CSMD1: variants seen among roughly 807,000 people sequenced by gnomAD.
CSMD1 encodes CUB and sushi domain-containing protein 1.
In CSMD1, 213 loss-of-function variants were observed where a neutral mutation model predicts 417.5. The ratio of observed to expected loss-of-function variants is 0.51; its 90% CI spans 0.46 to 0.57. The LOEUF is 0.57. Among genes scored for constraint, CSMD1 ranks in the 20% least tolerant of loss-of-function variants. The probability of loss-of-function intolerance (pLI) is 0.00; values close to 1 mark genes in which losing one functional copy is unlikely to be tolerated. For missense variants in CSMD1, 6,923 were observed against 4,529.7 expected (o/e 1.53, Z -15.17); for synonymous variants, 2,862 against 1,736.8 (o/e 1.65, Z -16.11).
chr8:4,203,727 C>G (rs895495699), intron 3 of CSMD1, among the ~76,000 whole-genome samples: 9 of 152,024 alleles, frequency 5.9e-5, no homozygotes, highest in African/African-American at 2.2e-4. Flanking sequence ...CACATCTGCA[C>G]ACATATGTAC....
chr8:3,109,555 C>T (rs1005564049), intron 43 of CSMD1, among the ~76,000 whole-genome samples: 6 of 152,122 alleles, frequency 3.9e-5, no homozygotes, highest in Admixed American at 6.5e-5. Context: ...AAAATGAGCC[C>T]GTCATTCTGC....
chr8:4,425,118 T>G (rs2128942724), intron 2 of CSMD1, among the ~76,000 whole-genome samples: 1 of 152,174 alleles, frequency 6.6e-6, no homozygotes, highest in African/African-American at 2.4e-5. Context: ...CAAAATAATG[T>G]GATAGCACTT....
At chr8:3,636,725 G>C (rs552438747) in intron 7 of CSMD1, among the ~76,000 whole-genome samples, 1 of 152,362 alleles carries the variant, frequency 6.6e-6, no homozygotes, top group Admixed American at 6.5e-5. Flanking sequence ...CATCTTGGGA[G>C]CAGCTGGCTC....
intron 2 of CSMD1, among the ~76,000 whole-genome samples, chr8:4,600,155 C>G (rs569517044): frequency 2.3e-4 from 35 of 152,294 alleles, no homozygotes; most frequent in African/African-American, 8.4e-4. Context: ...GGCCATGTAG[C>G]TGAGCTGTGG....
chr8:3,819,788 C>A (rs750532810), intron 5 of CSMD1, among the ~76,000 whole-genome samples: 1 of 152,120 alleles, frequency 6.6e-6, no homozygotes, highest in African/African-American at 2.4e-5. Context: ...GTAAGCAATC[C>A]TTTTGCCTGG....
At chr8:4,006,156 G>T (rs1816093300) in intron 4 of CSMD1, among the ~76,000 whole-genome samples, 1 of 152,168 alleles carries the variant, frequency 6.6e-6, no homozygotes, top group Non-Finnish European at 1.5e-5. Flanking sequence ...TTTATGTACT[G>T]CAAATTCCCC....
chr8:4,040,919 T>C (rs1367768779), intron 3 of CSMD1, among the ~76,000 whole-genome samples: 1 of 152,148 alleles, frequency 6.6e-6, no homozygotes, highest in African/African-American at 2.4e-5. Flanking sequence ...GAATATTTGC[T>C]AGTGTGAATT....
chr8:4,182,094 T>A (rs548423547), intron 3 of CSMD1, among the ~76,000 whole-genome samples: 18 of 151,960 alleles, frequency 1.2e-4, no homozygotes, highest in African/African-American at 4.1e-4. Context: ...CCTACCTGAA[T>A]AGCATTTCAA....
chr8:4,203,095 C>T lies in CSMD1; in HGVS notation c.416-170996G>A, dbSNP rs144438788. Among the ~76,000 whole-genome samples, 231 of 152,312 alleles carry T rather than the reference C, an allele frequency of 1.5e-3. 3 individuals are homozygous for T. In the East Asian group the frequency reaches 0.02, roughly 13 times the overall value. The stretch of plus-strand genomic sequence containing the variant: ...AGCAAGTGAGATGACTTGCAGTTAT[C>T]TGTGTGGGTTCCCTGTTGTCATAAC... On this transcript the variant is annotated intron_variant, in intron 3 of 69. Transcript: ENST00000635120.
chr8:2,973,376 A>C, intron 56 of CSMD1, 77 bp from the exon 57 acceptor site: 2 of 1,409,278 alleles, frequency 1.4e-6, no homozygotes, highest in Non-Finnish European at 1.9e-6. Flanking sequence ...ACTTAAAGAT[A>C]ATGAAAAGTT....
chr8:3,175,526 TTCC>T (rs1820878283), intron 37 of CSMD1, among the ~76,000 whole-genome samples: 1 of 142,640 alleles, frequency 7.0e-6, no homozygotes, highest in Admixed American at 7.2e-5. Context: ...CCTTCCTTCC[TTCC>T]TTCCTTCTTC....
At chr8:2,976,363 T>C (rs1804927405) in intron 55 of CSMD1, among the ~76,000 whole-genome samples, 1 of 152,122 alleles carries the variant, frequency 6.6e-6, no homozygotes, top group Non-Finnish European at 1.5e-5. Flanking sequence ...CCCTCCTCAT[T>C]TCTATTTTTA....
chr8:3,957,910 G>T (rs752667797), intron 5 of CSMD1, among the ~76,000 whole-genome samples: 1 of 152,090 alleles, frequency 6.6e-6, no homozygotes, highest in Admixed American at 6.6e-5. Context: ...CCTTTGTTTG[G>T]CTGGTGATCT....
At chr8:3,455,958 C>T (rs1329362216) in intron 12 of CSMD1, among the ~76,000 whole-genome samples, 1 of 152,132 alleles carries the variant, frequency 6.6e-6, no homozygotes, top group African/African-American at 2.4e-5. Context: ...GTGGGCTCCA[C>T]CCAGTTCGAG....
chr8:4,671,367 T>A (rs1805313849), intron 1 of CSMD1, among the ~76,000 whole-genome samples: 1 of 152,200 alleles, frequency 6.6e-6, no homozygotes, highest in Admixed American at 6.5e-5. Context: ...TTAAAAAAAA[T>A]TACAGACCCA....
At chr8:4,244,130 C>T (rs1369732501) in intron 3 of CSMD1, among the ~76,000 whole-genome samples, 2 of 152,108 alleles carry the variant, frequency 1.3e-5, no homozygotes, top group African/African-American at 4.8e-5. Flanking sequence ...ATGAGTTTCG[C>T]GCAGCACAAG....
At chr8:4,314,622 C>T (rs1798816892) in intron 3 of CSMD1, among the ~76,000 whole-genome samples, 1 of 150,756 alleles carries the variant, frequency 6.6e-6, no homozygotes, top group Admixed American at 6.6e-5. Context: ...CACACACACA[C>T]ACACAAAAGC....
intron 3 of CSMD1, among the ~76,000 whole-genome samples, chr8:4,403,639 G>C (rs951713544): frequency 6.6e-6 from 1 of 152,076 alleles, no homozygotes; most frequent in African/African-American, 2.4e-5. Flanking sequence ...TACTTAGTCG[G>C]TGTTTATTTG....
chr8:4,412,560 C>G (rs990793578), intron 3 of CSMD1, among the ~76,000 whole-genome samples: 2 of 152,046 alleles, frequency 1.3e-5, no homozygotes, highest in Non-Finnish European at 2.9e-5. Context: ...TTTCTTTATA[C>G]TAATACAAGA....
Sources: gnomAD v4.1 joint callset for allele counts (sites outside exome capture counted in the v4.1 genomes callset) on GRCh38, gnomAD v4.1.1 for gene constraint, MANE v1.5 for transcripts, NCBI Gene and HGNC (gene_info 2026-07-23, HGNC 2026-07-21) for gene names.